Variants in CHLSN observed in about 807,000 individuals in gnomAD.
CHLSN encodes protein cholesin.
At chr7:1,136,780 G>GC in the CHLSN span, among the ~76,000 whole-genome samples, 2 of 151,606 alleles carry the variant, frequency 1.3e-5, no homozygotes, top group Non-Finnish European at 2.9e-5. Context: ...ACAAACCTGA[G>GC]CTTCCTAGTG....
At chr7:1,038,722 C>A in the CHLSN span, among the ~76,000 whole-genome samples, 1 of 113,074 alleles carries the variant, frequency 8.8e-6, no homozygotes, top group Admixed American at 8.1e-5. Context: ...GTCAGCCCTC[C>A]GCCCGGCCAG....
chr7:1,008,986 C>T, the CHLSN span, among the ~76,000 whole-genome samples: 57 of 111,112 alleles, frequency 5.1e-4, no homozygotes, highest in South Asian at 7.6e-3. Flanking sequence ...CACACCCATG[C>T]GAACACACAT....
chr7:1,073,645 G>A, the CHLSN span, among the ~76,000 whole-genome samples: 2 of 151,840 alleles, frequency 1.3e-5, no homozygotes, highest in East Asian at 1.9e-4. Flanking sequence ...CGCCACTGCC[G>A]TGATGCCCCC....
chr7:1,078,600 C>T, the CHLSN span, among the ~76,000 whole-genome samples: 2 of 152,210 alleles, frequency 1.3e-5, no homozygotes, highest in East Asian at 1.9e-4. Flanking sequence ...CATCTCGTCT[C>T]CTCAAACTCC....
At chr7:1,032,812 G>C in the CHLSN span, among the ~76,000 whole-genome samples, 1 of 152,346 alleles carries the variant, frequency 6.6e-6, no homozygotes, top group Middle Eastern at 3.4e-3. Flanking sequence ...TCGCCAGAAA[G>C]CACGATGCTA....
the CHLSN span, among the ~76,000 whole-genome samples, chr7:1,013,995 A>G: frequency 5.9e-5 from 9 of 152,336 alleles, no homozygotes; most frequent in South Asian, 1.7e-3. Context: ...TGCGACCCCG[A>G]GGACTGGGAT....
At chr7:1,031,835 C>T in the CHLSN span, among the ~76,000 whole-genome samples, 2 of 133,176 alleles carry the variant, frequency 1.5e-5, no homozygotes, top group East Asian at 2.2e-4. Flanking sequence ...CAGAGTGGTC[C>T]GGGGCGGCAG....
chr7:991,818 C>T, the CHLSN span, among the ~76,000 whole-genome samples: 9 of 152,358 alleles, frequency 5.9e-5, no homozygotes, highest in Admixed American at 3.9e-4. Flanking sequence ...CTCATCTTCC[C>T]GGGCTGAAGC....
At chr7:983,205 C>G in the CHLSN span, 3 of 1,490,254 alleles carry the variant, frequency 2.0e-6, no homozygotes, top group Non-Finnish European at 1.8e-6. Context: ...TCACCAGCCA[C>G]GTCCTCATGG....
the CHLSN span, chr7:1,055,619 C>G: frequency 2.9e-6 from 1 of 346,240 alleles, no homozygotes; most frequent in East Asian, 7.7e-5. Context: ...ACAGTGCCAC[C>G]GGTGGACATC....
At chr7:1,020,060 C>T in the CHLSN span, among the ~76,000 whole-genome samples, 1 of 152,208 alleles carries the variant, frequency 6.6e-6, no homozygotes. Flanking sequence ...GCCTCTCTTC[C>T]CACTGAGGAG....
At chr7:981,183 C>T in the CHLSN span, among the ~76,000 whole-genome samples, 1 of 151,844 alleles carries the variant, frequency 6.6e-6, no homozygotes, top group Non-Finnish European at 1.5e-5. Context: ...GTAATCCCAG[C>T]TACCCGGGAG....
chr7:1,027,691 G>A, the CHLSN span, among the ~76,000 whole-genome samples: 1 of 152,274 alleles, frequency 6.6e-6, no homozygotes, highest in Non-Finnish European at 1.5e-5. Context: ...CGCGCCAGTG[G>A]GGGCCGCCTT....
the CHLSN span, chr7:1,028,842 C>T: frequency 4.3e-5 from 35 of 808,362 alleles, no homozygotes; most frequent in Non-Finnish European, 5.2e-5. Context: ...AGTCTACCCC[C>T]ATCTTCCCAG....
At chr7:982,740 G>T in the CHLSN span, among the ~76,000 whole-genome samples, 1 of 152,244 alleles carries the variant, frequency 6.6e-6, no homozygotes. Flanking sequence ...GGGTGCACAC[G>T]GATGGGGTTT....
the CHLSN span, chr7:988,833 A>G: frequency 6.8e-7 from 1 of 1,467,558 alleles, no homozygotes; most frequent in Non-Finnish European, 9.1e-7. Context: ...GAGCTCCCCC[A>G]GCCCCCAGGT....
chr7:1,061,541 C>A, the CHLSN span, among the ~76,000 whole-genome samples: 1 of 152,134 alleles, frequency 6.6e-6, no homozygotes, highest in Non-Finnish European at 1.5e-5. Flanking sequence ...CCAGGAGCTG[C>A]GTCGCTGACT....
the CHLSN span, among the ~76,000 whole-genome samples, chr7:1,017,826 G>A: frequency 6.6e-6 from 1 of 152,238 alleles, no homozygotes. Flanking sequence ...ACAAGGCCAG[G>A]CGCTCTGGGG....
the CHLSN span, among the ~76,000 whole-genome samples, chr7:998,793 G>A: frequency 6.6e-6 from 1 of 152,116 alleles, no homozygotes; most frequent in Non-Finnish European, 1.5e-5. Flanking sequence ...TTTTTCCTTT[G>A]TCGCTTGTGC....
Sources: allele counts gnomAD v4.1 joint callset (sites outside exome capture counted in the v4.1 genomes callset), GRCh38; gene constraint gnomAD v4.1.1; transcripts MANE v1.5; gene names NCBI Gene and HGNC (gene_info 2026-07-23, HGNC 2026-07-21).